The following PXDN variants were observed in gnomAD, a reference collection of about 807,000 sequenced individuals.
The protein encoded by PXDN is peroxidasin.
Under a neutral mutation model 140.3 loss-of-function variants are expected in PXDN, and 77 were observed. The observed-to-expected ratio is 0.55, with a 90% confidence interval of 0.46 to 0.66. The LOEUF (loss-of-function observed/expected upper bound fraction) is 0.66, where lower values mean the gene tolerates loss of function less well. PXDN is among the 30% of genes least tolerant of loss of function. The pLI is 0.00. For missense variants in PXDN, 1,838 were observed against 2,039.5 expected, an observed-to-expected ratio of 0.90 and a Z score of 1.90; for synonymous variants, 911 against 857.4, an observed-to-expected ratio of 1.06 and a Z score of -1.09.
At chr2:1,647,925 G>A (rs1403817677) in intron 17 of PXDN, among the ~76,000 whole-genome samples, 19 of 152,096 alleles carry the variant, frequency 1.2e-4, no homozygotes. Context: ...CTCCTCTCTT[G>A]GAACAAAACA....
At chr2:1,740,783 C>G (rs1001480174) in intron 1 of PXDN, among the ~76,000 whole-genome samples, 2 of 149,428 alleles carry the variant, frequency 1.3e-5, no homozygotes, top group African/African-American at 5.1e-5. Context: ...ACACCCAGCA[C>G]ACGGCGTGGG....
At position 1,739,137 on chromosome 2, in the gene PXDN, T is replaced by C. The variant is rs145371122; in HGVS notation, c.200+5119A>G. ...AGTGGCAAGGCCTCCTGTCCACTCA[T>C]GGACGTCTTGAAAACTGGCGTGCCA... On this transcript the variant is annotated intron_variant, in intron 1 of 22. Transcript: ENST00000252804. Among the ~76,000 whole-genome samples the C allele has an allele frequency of 3.2e-3, 486 of 152,270 alleles. 3 individuals are homozygous for C. Among genetic ancestry groups the C allele is most frequent in the African/African-American group, 0.011 (449 of 41,556 alleles).
At chr2:1,643,660 T>TG in intron 18 of PXDN, 84 bp from the exon 19 acceptor site, 1 of 1,440,248 alleles carries the variant, frequency 6.9e-7, no homozygotes, top group Non-Finnish European at 9.7e-7. Context: ...TCTCCCCTGC[T>TG]TAGTTCACAG....
Position 1,637,914 on chromosome 2 carries a change from A to G in PXDN, c.4206+932T>C, listed in dbSNP as rs62116576. Among the ~76,000 whole-genome samples, 16 of 5,796 alleles carry G rather than the reference A, an allele frequency of 2.8e-3. 2 individuals are homozygous for G. The highest frequency in any genetic ancestry group is 0.062 in the East Asian group (2 of 32). 3.8% of individuals were successfully genotyped at this position (5,796 alleles called of 152,430 possible). On this transcript the variant is annotated intron_variant, in intron 21 of 22. Coordinates refer to ENST00000252804, the MANE Select transcript of PXDN (RefSeq NM_012293.3). ...GGTTGCGGAGGCAGGAGGACCTGCC[A>G]CATGTCGTCCACTCTGACAGCTGCC...
At chr2:1,730,054 T>C (rs747215243) in intron 1 of PXDN, among the ~76,000 whole-genome samples, 2 of 152,200 alleles carry the variant, frequency 1.3e-5, no homozygotes, top group Non-Finnish European at 2.9e-5. Flanking sequence ...TATTAACAGG[T>C]AGACAAATAC....
intron 1 of PXDN, among the ~76,000 whole-genome samples, chr2:1,743,517 G>A (rs970696783): frequency 2.0e-5 from 3 of 151,842 alleles, no homozygotes; most frequent in Non-Finnish European, 4.4e-5. Context: ...CACTGGGAGC[G>A]GGGGCGCCGC....
chr2:1,720,844 C>T (rs747404922), intron 1 of PXDN, among the ~76,000 whole-genome samples: 2 of 152,150 alleles, frequency 1.3e-5, no homozygotes, highest in African/African-American at 4.8e-5. Context: ...CCTCCCGGAC[C>T]GCAGCTGGTT....
intron 21 of PXDN, chr2:1,636,166 C>G (rs7599329): frequency 0.83 from 130,194 of 155,928 alleles, 55,750 homozygotes; most frequent in East Asian, 1. Flanking sequence ...ATCTCCACGA[C>G]TGAGGGAAAA....
chr2:1,666,521 C>A (rs1368466165), intron 9 of PXDN, 35 bp from the exon 10 acceptor site: 4 of 1,559,674 alleles, frequency 2.6e-6, no homozygotes, highest in Non-Finnish European at 2.6e-6. Context: ...CAATTAATTT[C>A]TCCCGGTTTG....
At chr2:1,719,808 C>G (rs77091643) in intron 1 of PXDN, among the ~76,000 whole-genome samples, 1 of 145,518 alleles carries the variant, frequency 6.9e-6, no homozygotes, top group Non-Finnish European at 1.5e-5. Context: ...GAAATGGAGA[C>G]CACAGGATGT....
At chr2:1,676,600 G>C in intron 8 of PXDN, 1 of 370,934 alleles carries the variant, frequency 2.7e-6, no homozygotes, top group South Asian at 3.2e-5. Flanking sequence ...ACAGGCTGCT[G>C]CCAGACGTCA....
At position 1,673,766 on chromosome 2, in the gene PXDN, C is replaced by T. The variant is rs777286906; in HGVS notation, c.895G>A (p.Asp299Asn). The change falls in exon 9 of 23, where the codon GAT becomes AAT. Residue 299 changes from aspartate to asparagine, a missense_variant. Asp to Asn is a conservative substitution (Grantham distance 23). This residue lies in a region of PXDN where 208 missense variants were observed against 325.8 expected (regional missense o/e 0.64). Transcript: ENST00000252804. ...GTGTTCTGGATCATCAGGGTCCCAT[C>T]GTCCAGCAAGTTTAGGCGGGAATCT... ...KTDSRLNLLDDGTLMIQNTQE... is the reference protein window; with the variant it reads ...KTDSRLNLLDNGTLMIQNTQE... 10 of 1,613,876 alleles carry T rather than the reference C, an allele frequency of 6.2e-6. No homozygotes were observed. The highest frequency in any genetic ancestry group is 5.3e-5 in the African/African-American group (4 of 74,930).
chr2:1,683,301 G>T (rs902825103), intron 6 of PXDN, among the ~76,000 whole-genome samples: 4 of 151,854 alleles, frequency 2.6e-5, no homozygotes, highest in African/African-American at 9.7e-5. Flanking sequence ...TGTGCCTATA[G>T]TCCCAGCTAC....
In PXDN at chr2:1,707,362, C is replaced by T. The variant is rs144355534; in HGVS notation, c.201-14228G>A. On this transcript the variant is annotated intron_variant, in intron 1 of 22. Transcript: ENST00000252804. ...CCACTAATAATACAAACTGAGAGCA[C>T]GCTGCAGTGCTCACCAATCAGCTCT... Among the ~76,000 whole-genome samples, 43 of 51,178 alleles carry T rather than the reference C, an allele frequency of 8.4e-4. 14 individuals are homozygous for T. Among genetic ancestry groups the T allele is most frequent in the East Asian group, 4.7e-3 (9 of 1,914 alleles). 33.6% of individuals were successfully genotyped at this position (51,178 alleles called of 152,430 possible).
chr2:1,723,135 T>C (rs568394992), intron 1 of PXDN, among the ~76,000 whole-genome samples: 5 of 152,132 alleles, frequency 3.3e-5, no homozygotes, highest in African/African-American at 9.6e-5. Flanking sequence ...AATGAATGGA[T>C]ACATTGATGG....
intron 14 of PXDN, among the ~76,000 whole-genome samples, chr2:1,655,868 C>T (rs1322131974): frequency 2.6e-5 from 4 of 151,620 alleles, no homozygotes; most frequent in African/African-American, 9.7e-5. Context: ...ACACAAAAAT[C>T]ACACATCCAT....
At position 1,635,539 on chromosome 2, in the gene PXDN, ACATT is replaced by A; in HGVS notation, c.4207-22_4207-19del. The A allele has an allele frequency of 1.3e-6, 2 of 1,544,488 alleles. No individual in the cohort carries two copies. The highest frequency in any genetic ancestry group is 2.4e-5 in the East Asian group (1 of 42,520). On this transcript the variant is annotated intron_variant, in intron 21 of 22. Transcript: ENST00000252804. Reference sequence around the variant, plus strand: ...TTCTTTATCTGCAGCAATGCAAAGAACATTCATTCATTGGGCACTTCAGAGTAAC... The same window carrying A: ...TTCTTTATCTGCAGCAATGCAAAGAACATTCATTGGGCACTTCAGAGTAAC...
intron 14 of PXDN, among the ~76,000 whole-genome samples, chr2:1,659,010 G>A (rs771759916): frequency 2.0e-5 from 3 of 152,164 alleles, no homozygotes; most frequent in Admixed American, 1.3e-4. Context: ...TAACTCCATG[G>A]AGCCGAGTGC....
In PXDN at chr2:1,643,448, A is replaced by T; in HGVS notation, c.3872T>A (p.Val1291Glu). The change falls in exon 19 of 23, where the codon GTG becomes GAG. Residue 1291 changes from valine to glutamate, a missense_variant. Around this residue, in one of 5 missense-constraint regions of PXDN, gnomAD observed 850 missense variants for 894.1 expected, o/e 0.95. Transcript: ENST00000252804. ...GCCGTAGCCGTGAGGGAACTCCGCC[A>T]CCCTGAACACGTCGCTCTGCACCCG... ...ITRVQSDVFR[V>E]AEFPHGYGSC... The T allele has an allele frequency of 6.2e-7, 1 of 1,613,804 alleles. No homozygotes were observed. The highest frequency in any genetic ancestry group is 8.5e-7 in the Non-Finnish European group (1 of 1,179,860).
Sources: gnomAD v4.1 joint callset for allele counts (sites outside exome capture counted in the v4.1 genomes callset) on GRCh38, gnomAD v4.1.1 for gene constraint, gnomAD v4.1.1 regional missense constraint, MANE v1.5 for transcripts, NCBI Gene and HGNC (gene_info 2026-07-23, HGNC 2026-07-21) for gene names.